The following ANGPT1 variants were observed in gnomAD, a reference collection of about 807,000 sequenced individuals.
The protein encoded by ANGPT1 is angiopoietin 1.
Under a neutral mutation model 62.2 loss-of-function variants are expected in ANGPT1, and 17 were observed. That is an observed-to-expected ratio of 0.27 (90% CI 0.19 to 0.41). The LOEUF is 0.41. ANGPT1 is among the 10% of genes least tolerant of loss of function. ANGPT1 has a pLI of 1.00. For missense variants in ANGPT1, 478 were observed against 594.9 expected (o/e 0.80, Z 2.04); for synonymous variants, 199 against 198.9 (o/e 1.00, Z 0.00).
chr8:107,297,532 A>G (rs1315216664), intron 5 of ANGPT1, among the ~76,000 whole-genome samples: 1 of 149,828 alleles, frequency 6.7e-6, no homozygotes, highest in East Asian at 1.9e-4. Context: ...ATATAATGTA[A>G]TATTTAATAT....
chr8:107,282,340 C>T (rs951506853), intron 7 of ANGPT1, among the ~76,000 whole-genome samples: 1 of 151,304 alleles, frequency 6.6e-6, no homozygotes, highest in Non-Finnish European at 1.5e-5. Flanking sequence ...ACAGAAACCA[C>T]ATTGAATGAG....
intron 1 of ANGPT1, among the ~76,000 whole-genome samples, chr8:107,470,421 C>T (rs1586349471): frequency 6.6e-6 from 1 of 151,990 alleles, no homozygotes; most frequent in Admixed American, 6.6e-5. Flanking sequence ...TAATAGAATA[C>T]ATCAGATTAT....
chr8:107,354,610 T>C (rs1317698641), intron 1 of ANGPT1, among the ~76,000 whole-genome samples: 1 of 152,016 alleles, frequency 6.6e-6, no homozygotes, highest in Non-Finnish European at 1.5e-5. Flanking sequence ...ATACATATCC[T>C]TAATGGCAGT....
chr8:107,438,362 T>C (rs34562665), intron 1 of ANGPT1, among the ~76,000 whole-genome samples: 18,124 of 152,148 alleles, frequency 0.12, 1,469 homozygotes, highest in East Asian at 0.44. Context: ...TTTTTGTCAT[T>C]TGATATAATT....
chr8:107,355,450 C>T (rs76398386), intron 1 of ANGPT1, among the ~76,000 whole-genome samples: 4,669 of 152,270 alleles, frequency 0.031, 130 homozygotes, highest in Middle Eastern at 0.14. Flanking sequence ...TGTTCAAACT[C>T]TTTCAGTAGC....
Position 107,368,495 on chromosome 8 carries a change from T to C in ANGPT1, c.298-21398A>G, listed in dbSNP as rs867146885. On this transcript the variant is annotated intron_variant, in intron 1 of 8. Transcript: ENST00000517746. ...TAAGTATATTCCTTATACTTATTTA[T>C]AAGTATATTCCTTATACTTATTTAT... Among the ~76,000 whole-genome samples the C allele has an allele frequency of 1.6e-3, 69 of 43,308 alleles. 20 individuals are homozygous for C. The highest frequency in any genetic ancestry group is 0.033 in the Middle Eastern group (2 of 60). 28.4% of individuals were successfully genotyped at this position (43,308 alleles called of 152,430 possible). A position where few individuals can be genotyped will look rare whatever the true frequency, so the allele number is the denominator to read the frequency against.
intron 4 of ANGPT1, among the ~76,000 whole-genome samples, chr8:107,316,664 C>T (rs2130040636): frequency 6.6e-6 from 1 of 152,220 alleles, no homozygotes; most frequent in East Asian, 1.9e-4. Flanking sequence ...AATGACTGCT[C>T]ATTGATTTTA....
intron 1 of ANGPT1, among the ~76,000 whole-genome samples, chr8:107,492,492 G>A (rs1005736142): frequency 6.6e-6 from 1 of 151,954 alleles, no homozygotes; most frequent in Non-Finnish European, 1.5e-5. Flanking sequence ...CACACCACCA[G>A]GCCCAGCTAA....
intron 1 of ANGPT1, among the ~76,000 whole-genome samples, chr8:107,483,240 T>C (rs1812732003): frequency 6.6e-6 from 1 of 152,178 alleles, no homozygotes; most frequent in South Asian, 2.1e-4. Context: ...ACTCAAAGTA[T>C]GTAAGCTTTA....
intron 4 of ANGPT1, among the ~76,000 whole-genome samples, chr8:107,314,081 T>C (rs1038419757): frequency 2.0e-5 from 3 of 152,216 alleles, no homozygotes; most frequent in Non-Finnish European, 2.9e-5. Flanking sequence ...AAAATATCTG[T>C]TGAATTTGAC....
At chr8:107,268,628 A>C (rs1813669884) in intron 7 of ANGPT1, among the ~76,000 whole-genome samples, 1 of 152,136 alleles carries the variant, frequency 6.6e-6, no homozygotes, top group Non-Finnish European at 1.5e-5. Context: ...TATTGTATGA[A>C]TAGCCAACTG....
chr8:107,295,406 C>G (rs968394691), intron 5 of ANGPT1: 2 of 152,116 alleles, frequency 1.3e-5, no homozygotes, highest in Non-Finnish European at 2.9e-5. Flanking sequence ...TTCCGTAATT[C>G]TACTTCATTT....
At chr8:107,480,553 T>G (rs758684746) in intron 1 of ANGPT1, among the ~76,000 whole-genome samples, 1 of 152,204 alleles carries the variant, frequency 6.6e-6, no homozygotes, top group African/African-American at 2.4e-5. Flanking sequence ...CAGCAGACTA[T>G]CCACACACAT....
At chr8:107,334,337 G>T (rs1815509589) in intron 3 of ANGPT1, among the ~76,000 whole-genome samples, 1 of 152,128 alleles carries the variant, frequency 6.6e-6, no homozygotes, top group African/African-American at 2.4e-5. Flanking sequence ...CCAGTAAAAT[G>T]AAATATGCAG....
chr8:107,284,568 AAAG>A, intron 7 of ANGPT1, 111 bp downstream of exon 7: 1 of 1,076,288 alleles, frequency 9.3e-7, no homozygotes, highest in Non-Finnish European at 1.2e-6. Context: ...GACAAAAAAA[AAAG>A]AATTTTCATT....
chr8:107,440,212 C>A (rs1446915969), intron 1 of ANGPT1, among the ~76,000 whole-genome samples: 3 of 152,168 alleles, frequency 2.0e-5, no homozygotes, highest in Non-Finnish European at 2.9e-5. Context: ...GCTCAAGCAT[C>A]TTGACTTGCT....
chr8:107,368,328 A>T (rs1333022774), intron 1 of ANGPT1, among the ~76,000 whole-genome samples: 1 of 152,048 alleles, frequency 6.6e-6, no homozygotes, highest in East Asian at 1.9e-4. Flanking sequence ...TAAAATATTC[A>T]TCATGCCATG....
At chr8:107,307,662 T>C (rs2129996743) in intron 4 of ANGPT1, among the ~76,000 whole-genome samples, 1 of 152,240 alleles carries the variant, frequency 6.6e-6, no homozygotes, top group African/African-American at 2.4e-5. Flanking sequence ...TATTTTCCTC[T>C]CATCACCTAC....
intron 1 of ANGPT1, among the ~76,000 whole-genome samples, chr8:107,408,832 T>G (rs940402107): frequency 1.3e-5 from 2 of 152,142 alleles, no homozygotes; most frequent in African/African-American, 4.8e-5. Context: ...GCACTTTATA[T>G]AAAAACCAGT....
Sources: allele counts gnomAD v4.1 joint callset (sites outside exome capture counted in the v4.1 genomes callset), GRCh38; gene constraint gnomAD v4.1.1; transcripts MANE v1.5; gene names NCBI Gene and HGNC (gene_info 2026-07-23, HGNC 2026-07-21).